Variants in DNAH9 observed in about 807,000 individuals in gnomAD.
The protein encoded by DNAH9 is DNAH9 variant protein.
In DNAH9, 345 loss-of-function variants were observed where a neutral mutation model predicts 471.6. The observed-to-expected ratio is 0.73, with a 90% CI of 0.67 to 0.80. DNAH9 has a LOEUF of 0.80. Among genes scored for constraint, DNAH9 ranks in the 30% least tolerant of loss-of-function variants. The pLI is 0.00. For missense variants in DNAH9, 5,407 were observed against 5,609.2 expected, an observed-to-expected ratio of 0.96 and a Z score of 1.15; for synonymous variants, 2,093 against 2,123.6, an observed-to-expected ratio of 0.99 and a Z score of 0.40.
intron 32 of DNAH9, among the ~76,000 whole-genome samples, chr17:11,752,115 T>C (rs1967179682): frequency 6.6e-6 from 1 of 152,228 alleles, no homozygotes. Context: ...AGACGTACCA[T>C]ACTATTAACT....
At chr17:11,923,463 C>T (rs183367466) in intron 61 of DNAH9, among the ~76,000 whole-genome samples, 54 of 152,196 alleles carry the variant, frequency 3.5e-4, no homozygotes, top group African/African-American at 1.3e-3. Flanking sequence ...AGGCGCCCAC[C>T]ACCACGCCCA....
intron 45 of DNAH9, among the ~76,000 whole-genome samples, chr17:11,815,385 G>A (rs1970061046): frequency 6.6e-6 from 1 of 151,950 alleles, no homozygotes; most frequent in African/African-American, 2.4e-5. Flanking sequence ...CACTGGTTTT[G>A]CCTTCTTTTG....
At position 11,869,269 on chromosome 17, in the gene DNAH9, A is replaced by G. The variant is rs1555612238; in HGVS notation, c.10053+16A>G. ...CAACCGCCTGGTGAGTGTAAGCCAC[A>G]GCAGCCCGAGCTGTAATTATATTAG... On this transcript the variant is annotated intron_variant, in intron 51 of 68. Transcript: ENST00000262442. The G allele has an allele frequency of 1.2e-6, 2 of 1,610,866 alleles. No homozygotes were observed. The highest frequency in any genetic ancestry group is 2.2e-5 in the South Asian group (2 of 90,372).
chr17:11,902,893 CG>C lies in DNAH9; in HGVS notation c.11583del (p.Met3862Ter). 1 of 1,613,504 alleles carries C rather than the reference CG, an allele frequency of 6.2e-7. No individual in the cohort carries two copies. The highest frequency in any genetic ancestry group is 8.5e-7 in the Non-Finnish European group (1 of 1,179,816). ...LCMLRAMRPD[R>X]MTYALRDFVE... ...CATGCTGAGAGCCATGCGGCCCGAC[CG>C]GATGACCTATGCTTTGCGGTAGGAA... On this transcript the variant is annotated frameshift_variant, in exon 60 of 69. Transcript: ENST00000262442. LOFTEE classifies it high-confidence loss of function.
At chr17:11,936,705 G>A (rs927508572) in intron 65 of DNAH9, among the ~76,000 whole-genome samples, 1 of 152,106 alleles carries the variant, frequency 6.6e-6, no homozygotes, top group Admixed American at 6.5e-5. Flanking sequence ...GGATTTTTAG[G>A]CATTAGGCAT....
Position 11,699,804 on chromosome 17 carries a change from C to G in DNAH9, c.4946C>G (p.Pro1649Arg). ...TTCCAGCTAGATGCCAGTGGGGAAC[C>G]AACCAAGACAAGCCTCGGCATGTAC... Reference protein sequence around the residue: ...MRFQLDASGEPTKTSLGMYSK... With the variant: ...MRFQLDASGERTKTSLGMYSK... Residue 1649 changes from proline to arginine, a missense_variant, in exon 23 of 69, where the codon CCA (proline) becomes CGA (arginine). This residue lies in a region of DNAH9 where 4,636 missense variants were observed against 4,900.3 expected (regional missense o/e 0.95). Coordinates refer to ENST00000262442, the MANE Select transcript of DNAH9 (RefSeq NM_001372.4). The G allele has an allele frequency of 1.9e-6, 3 of 1,614,132 alleles. No individual in the cohort carries two copies. The highest frequency in any genetic ancestry group is 2.5e-6 in the Non-Finnish European group (3 of 1,179,972).
intron 49 of DNAH9, among the ~76,000 whole-genome samples, chr17:11,839,959 G>A (rs1970975364): frequency 6.6e-6 from 1 of 152,168 alleles, no homozygotes; most frequent in African/African-American, 2.4e-5. Context: ...GTGCACTGTT[G>A]GTGAGGATGC....
At chr17:11,929,588 A>G (rs1389328172) in intron 62 of DNAH9, among the ~76,000 whole-genome samples, 3 of 152,200 alleles carry the variant, frequency 2.0e-5, no homozygotes, top group African/African-American at 7.2e-5. Flanking sequence ...GGTCCTCACT[A>G]CTGGGCATCC....
Position 11,598,567 on chromosome 17 carries a change from A to ATGGGGAACC in DNAH9, c.69_70insTGGGGAACC (p.Arg23_Arg24insTrpGlyThr). The ATGGGGAACC allele has an allele frequency of 7.4e-7, 1 of 1,343,596 alleles. No homozygotes were observed. The highest frequency in any genetic ancestry group is 9.7e-7 in the Non-Finnish European group (1 of 1,035,056). 83.2% of individuals were successfully genotyped at this position (1,343,596 alleles called of 1,614,324 possible). On this transcript the variant is annotated inframe_insertion, in exon 1 of 69. Coordinates refer to ENST00000262442, the MANE Select transcript of DNAH9 (RefSeq NM_001372.4). Reference sequence around the variant, plus strand: ...CGGATGGGGAACCCGGCGCCGACCGACGACTGCGACTCCTGGGGACCTACG... The same window carrying ATGGGGAACC: ...CGGATGGGGAACCCGGCGCCGACCGATGGGGAACCCGACTGCGACTCCTGGGGACCTACG...
intron 15 of DNAH9, among the ~76,000 whole-genome samples, chr17:11,665,524 C>T (rs1040650345): frequency 6.6e-6 from 1 of 152,112 alleles, no homozygotes; most frequent in Non-Finnish European, 1.5e-5. Context: ...AATGGGCATT[C>T]TTTGAAGCTT....
intron 25 of DNAH9, among the ~76,000 whole-genome samples, chr17:11,704,703 C>T (rs111972228): frequency 6.6e-6 from 1 of 152,060 alleles, no homozygotes; most frequent in African/African-American, 2.4e-5. Flanking sequence ...CCTGCCTCAG[C>T]CTCCCAAGTA....
chr17:11,826,763 G>A (rs1027718206), intron 48 of DNAH9, among the ~76,000 whole-genome samples: 25 of 148,552 alleles, frequency 1.7e-4, no homozygotes, highest in Admixed American at 1.1e-3. Flanking sequence ...CGCCCAGCCA[G>A]TTCTGTATGT....
intron 32 of DNAH9, among the ~76,000 whole-genome samples, chr17:11,752,619 A>T (rs1967206455): frequency 6.6e-6 from 1 of 152,166 alleles, no homozygotes; most frequent in South Asian, 2.1e-4. Flanking sequence ...GTGAGCTGAG[A>T]TCACACCACT....
In DNAH9 at chr17:11,640,306, C is replaced by G; in HGVS notation, c.1823C>G (p.Ala608Gly). 1 of 1,613,936 alleles carries G rather than the reference C, an allele frequency of 6.2e-7. No individual in the cohort carries two copies. The highest frequency in any genetic ancestry group is 8.5e-7 in the Non-Finnish European group (1 of 1,179,880). Residue 608 changes from alanine (A) to glycine (G), a missense_variant, in exon 10 of 69, where the codon GCT becomes GGT. By Grantham distance (60) the Ala-to-Gly change is moderately conservative (BLOSUM62 0). Transcript: ENST00000262442. ...SPVHKNMPTV[A>G]GGLRWAQELR... is the part of the protein sequence containing the mutation. Reference sequence around the variant, plus strand: ...GTGCACAAGAACATGCCCACCGTGGCTGGCGGCCTCCGCTGGGCACAGGAG... The same window carrying G: ...GTGCACAAGAACATGCCCACCGTGGGTGGCGGCCTCCGCTGGGCACAGGAG...
At chr17:11,868,724 T>C (rs985482766) in intron 50 of DNAH9, among the ~76,000 whole-genome samples, 1 of 152,054 alleles carries the variant, frequency 6.6e-6, no homozygotes, top group African/African-American at 2.4e-5. Flanking sequence ...TAGCAGCACC[T>C]GCACCATTTT....
intron 43 of DNAH9, among the ~76,000 whole-genome samples, chr17:11,800,742 CT>C (rs919304896): frequency 6.6e-6 from 1 of 152,296 alleles, no homozygotes; most frequent in African/African-American, 2.4e-5. Context: ...CATGACGCCC[CT>C]GTGGTCAATG....
intron 62 of DNAH9, among the ~76,000 whole-genome samples, chr17:11,926,911 C>T (rs1179167201): frequency 2.6e-5 from 4 of 152,168 alleles, no homozygotes; most frequent in Admixed American, 2.6e-4. Flanking sequence ...AAAACCTCAC[C>T]AGCATCTGTT....
chr17:11,842,423 G>C (rs907117196), intron 49 of DNAH9, among the ~76,000 whole-genome samples: 4 of 152,184 alleles, frequency 2.6e-5, no homozygotes. Flanking sequence ...TAATAGGATA[G>C]ATGTATATAT....
intron 10 of DNAH9, among the ~76,000 whole-genome samples, chr17:11,641,736 A>G (rs1005377969): frequency 7.2e-5 from 11 of 151,936 alleles, no homozygotes; most frequent in Admixed American, 1.3e-4. Flanking sequence ...GGCTGCCCCT[A>G]GAATGTGGAC....
Sources: allele counts gnomAD v4.1 joint callset (sites outside exome capture counted in the v4.1 genomes callset), GRCh38; gene constraint gnomAD v4.1.1; regional missense constraint gnomAD v4.1.1; transcripts MANE v1.5; gene names NCBI Gene and HGNC (gene_info 2026-07-23, HGNC 2026-07-21).